LRBA: variants seen among roughly 807,000 people sequenced by gnomAD.
LRBA encodes the protein lipopolysaccharide-responsive and beige-like anchor protein.
A neutral mutation model predicts 330.0 loss-of-function variants in LRBA; 176 were observed. The ratio of observed to expected loss-of-function variants is 0.53; its 90% CI spans 0.47 to 0.60. The LOEUF (loss-of-function observed/expected upper bound fraction) is 0.60. LRBA is among the 20% of genes least tolerant of loss of function. The pLI is 0.00. For missense variants in LRBA, 3,259 were observed against 3,444.8 expected (o/e 0.95, Z 1.35); for synonymous variants, 1,230 against 1,193.0 (o/e 1.03, Z -0.64).
chr4:150,352,150 A>T (rs1417417311), intron 47 of LRBA, among the ~76,000 whole-genome samples: 1 of 152,142 alleles, frequency 6.6e-6, no homozygotes, highest in African/African-American at 2.4e-5. Context: ...ATTGTGATGT[A>T]TTTTCAGTAT....
At chr4:150,871,481 A>G (rs1385580720) in intron 18 of LRBA, 28 bp from the exon 19 acceptor site, 1 of 1,353,250 alleles carries the variant, frequency 7.4e-7, no homozygotes, top group East Asian at 2.3e-5. Flanking sequence ...GAAATCATCA[A>G]ATGTAGAGCT....
intron 2 of LRBA, among the ~76,000 whole-genome samples, chr4:150,978,480 C>T (rs1365078864): frequency 6.6e-6 from 1 of 152,184 alleles, no homozygotes; most frequent in Non-Finnish European, 1.5e-5. Context: ...CACTGACAAA[C>T]ATCCACAAGC....
rs1288809857 is a variant in LRBA at position 150,852,896 on chromosome 4, T to C, written c.2814A>G (p.Glu938=). 4 of 1,600,978 alleles carry C rather than the reference T, an allele frequency of 2.5e-6. No individual in the cohort carries two copies. The African/African-American group carries it at 4.0e-5, about 16-fold the overall frequency. Residue 938 remains glutamate (E), a synonymous_variant, in exon 23 of 57, where the codon GAA becomes GAG. Coordinates refer to ENST00000651943, the MANE Select transcript of LRBA (RefSeq NM_001364905.1). ...HKENLANIFR[E]QQGKVDEEIG... ...TTTCTTCATCAACTTTTCCTTGCTG[T>C]TCCCTAAATATATTGGCAAGGTTTT... is the stretch of plus-strand genomic sequence containing the variant.
At chr4:150,617,544 A>C (rs987043659) in intron 37 of LRBA, among the ~76,000 whole-genome samples, 13 of 152,276 alleles carry the variant, frequency 8.5e-5, no homozygotes, top group African/African-American at 2.6e-4. Flanking sequence ...CCAGAGGCTG[A>C]GGCAGGAGAA....
At chr4:151,010,997 C>T (rs949112587) in intron 2 of LRBA, among the ~76,000 whole-genome samples, 18 of 151,944 alleles carry the variant, frequency 1.2e-4, no homozygotes, top group African/African-American at 3.1e-4. Context: ...ACCATCCTGG[C>T]TGACACGGTG....
At position 150,274,177 on chromosome 4, in the gene LRBA, T is replaced by C. The variant is rs568209312; in HGVS notation, c.8468+3676A>G. 2.6e-5 allele frequency among the ~76,000 whole-genome samples: 4 copies of C among 152,230 alleles called. No individual in the cohort carries two copies. The South Asian group carries it at 8.3e-4, about 32-fold the overall frequency. ...ACTCACTCAAAACCGCACAACTACA[T>C]AGAAACTGAACAATTTGCTCCTGAA... On this transcript the variant is annotated intron_variant, in intron 56 of 56. Coordinates refer to ENST00000651943, the MANE Select transcript of LRBA (RefSeq NM_001364905.1).
At chr4:150,436,370 C>A (rs1751111148) in intron 45 of LRBA, among the ~76,000 whole-genome samples, 1 of 152,132 alleles carries the variant, frequency 6.6e-6, no homozygotes, top group Non-Finnish European at 1.5e-5. Flanking sequence ...TTACCTTATT[C>A]CATTTGGGAC....
chr4:150,549,480 C>T (rs528163540), intron 40 of LRBA, among the ~76,000 whole-genome samples: 8 of 152,002 alleles, frequency 5.3e-5, no homozygotes, highest in South Asian at 4.2e-4. Flanking sequence ...TACAGGTGCC[C>T]GTCACCACGC....
intron 35 of LRBA, among the ~76,000 whole-genome samples, chr4:150,757,171 T>C (rs1734423421): frequency 6.6e-6 from 1 of 152,174 alleles, no homozygotes; most frequent in Non-Finnish European, 1.5e-5. Flanking sequence ...GTTGTTTACA[T>C]GAAAAATACC....
chr4:150,661,066 A>T (rs1477387549), intron 37 of LRBA, among the ~76,000 whole-genome samples: 2 of 89,542 alleles, frequency 2.2e-5, no homozygotes, highest in Non-Finnish European at 4.0e-5. Context: ...AATTATCAAT[A>T]AAAAAATAAA....
intron 16 of LRBA, among the ~76,000 whole-genome samples, chr4:150,893,733 T>G (rs930722787): frequency 5.9e-5 from 9 of 152,100 alleles, no homozygotes; most frequent in African/African-American, 2.2e-4. Flanking sequence ...TGGAGTTCAG[T>G]GGCACAATCT....
At chr4:150,713,639 C>T (rs1290556189) in intron 36 of LRBA, among the ~76,000 whole-genome samples, 1 of 152,114 alleles carries the variant, frequency 6.6e-6, no homozygotes, top group Admixed American at 6.5e-5. Context: ...AATTTTTATG[C>T]AAGCCCAAGA....
Position 150,958,588 on chromosome 4 carries a change from C to T in LRBA, c.217-29523G>A, listed in dbSNP as rs539403054. ...TTTCTGCAGCTGGCTTGAATTTCTCCTCAGAAAATGGGTTTTTCTTTTCTA... is the reference window on the plus strand; with the variant it reads ...TTTCTGCAGCTGGCTTGAATTTCTCTTCAGAAAATGGGTTTTTCTTTTCTA... On this transcript the variant is annotated intron_variant, in intron 2 of 56. Coordinates refer to ENST00000651943, the MANE Select transcript of LRBA (RefSeq NM_001364905.1). 1.5e-4 allele frequency among the ~76,000 whole-genome samples: 23 copies of T among 149,464 alleles called. 1 individual carries two copies. In the South Asian group the frequency reaches 3.9e-3, roughly 26 times the overall value.
intron 9 of LRBA, among the ~76,000 whole-genome samples, chr4:150,912,918 T>C (rs1732171100): frequency 6.6e-6 from 1 of 152,198 alleles, no homozygotes. Flanking sequence ...TTGATTTCTC[T>C]CAAGATATTT....
chr4:150,406,864 T>A (rs1296112160), intron 47 of LRBA, among the ~76,000 whole-genome samples: 1 of 152,152 alleles, frequency 6.6e-6, no homozygotes, highest in African/African-American at 2.4e-5. Flanking sequence ...CACTGCAACC[T>A]CCACCTCCCA....
intron 37 of LRBA, among the ~76,000 whole-genome samples, chr4:150,648,783 A>G (rs1265151963): frequency 6.6e-6 from 1 of 152,132 alleles, no homozygotes; most frequent in African/African-American, 2.4e-5. Context: ...CAGAGCCACG[A>G]GGCCTCTATT....
At chr4:150,378,311 T>G (rs1462498896) in intron 47 of LRBA, among the ~76,000 whole-genome samples, 1 of 152,196 alleles carries the variant, frequency 6.6e-6, no homozygotes, top group Non-Finnish European at 1.5e-5. Flanking sequence ...TAGACAGCTA[T>G]CTCTAAAAGG....
intron 42 of LRBA, among the ~76,000 whole-genome samples, chr4:150,482,650 T>A (rs1288570772): frequency 6.6e-6 from 1 of 152,120 alleles, no homozygotes; most frequent in Non-Finnish European, 1.5e-5. Context: ...TACTTCCCCA[T>A]CAACAACATG....
At chr4:150,936,510 G>A (rs1346459686) in intron 2 of LRBA, among the ~76,000 whole-genome samples, 1 of 151,510 alleles carries the variant, frequency 6.6e-6, no homozygotes, top group African/African-American at 2.4e-5. Flanking sequence ...ACCTTCTTGT[G>A]GAAAAGAATT....
Sources: allele counts gnomAD v4.1 joint callset (sites outside exome capture counted in the v4.1 genomes callset), GRCh38; gene constraint gnomAD v4.1.1; transcripts MANE v1.5; gene names NCBI Gene and HGNC (gene_info 2026-07-23, HGNC 2026-07-21).